Variants in CBL observed in about 807,000 individuals in gnomAD.
CBL encodes E3 ubiquitin-protein ligase CBL.
CBL carries 45 observed loss-of-function variants against 96.9 expected under a neutral mutation model. The ratio of observed to expected loss-of-function variants is 0.46; its 90% CI spans 0.37 to 0.60. The LOEUF (loss-of-function observed/expected upper bound fraction) is 0.60, where lower values mean the gene tolerates loss of function less well. CBL is among the 20% of genes least tolerant of loss of function. CBL has a pLI of 0.00. For missense variants in CBL, 1,024 were observed against 1,143.5 expected, an observed-to-expected ratio of 0.90 and a Z score of 1.51; for synonymous variants, 420 against 426.8, an observed-to-expected ratio of 0.98 and a Z score of 0.20.
At chr11:119,214,845 C>T (rs1227474451) in intron 1 of CBL, among the ~76,000 whole-genome samples, 3 of 149,998 alleles carry the variant, frequency 2.0e-5, no homozygotes, top group Non-Finnish European at 4.4e-5. Context: ...TTTGTCTTAA[C>T]ACAGTCCCTC....
At chr11:119,266,018 C>CAAAA (rs398017759) in intron 2 of CBL, among the ~76,000 whole-genome samples, 20 of 76,012 alleles carry the variant, frequency 2.6e-4, no homozygotes, top group South Asian at 6.9e-4. Flanking sequence ...GACTCCATCT[C>CAAAA]AAAAAAAAAA....
chr11:119,301,075 A>G lies in CBL; in HGVS notation c.*1294A>G, dbSNP rs1474241790. ...CTCTTGCTGATGGCACCTTCCCTGCATTGCTGCCTCCCGATGATGTGGTTC... is the reference window on the plus strand; with the variant it reads ...CTCTTGCTGATGGCACCTTCCCTGCGTTGCTGCCTCCCGATGATGTGGTTC... On this transcript the variant is annotated 3_prime_UTR_variant, in exon 16 of 16. Coordinates refer to ENST00000264033, the MANE Select transcript of CBL (RefSeq NM_005188.4). 2 of 233,362 alleles carry G rather than the reference A, an allele frequency of 8.6e-6. No homozygotes were observed. The highest frequency in any genetic ancestry group is 1.7e-5 in the Non-Finnish European group (2 of 118,102). 14.5% of individuals were successfully genotyped at this position (233,362 alleles called of 1,614,324 possible). A position where few individuals can be genotyped will look rare whatever the true frequency, so the allele number is the denominator to read the frequency against.
intron 12 of CBL, among the ~76,000 whole-genome samples, chr11:119,294,204 G>A (rs1950048503): frequency 6.8e-6 from 1 of 146,014 alleles, no homozygotes; most frequent in African/African-American, 2.5e-5. Context: ...CAAGGTGGGT[G>A]GACCACTTGA....
intron 1 of CBL, among the ~76,000 whole-genome samples, chr11:119,213,673 G>A (rs1341188865): frequency 1.3e-5 from 2 of 152,086 alleles, no homozygotes; most frequent in Non-Finnish European, 2.9e-5. Context: ...AGGGCCAAGC[G>A]GGTGACTTGA....
chr11:119,207,226 A>G (rs1949278423), intron 1 of CBL, among the ~76,000 whole-genome samples: 1 of 152,216 alleles, frequency 6.6e-6, no homozygotes, highest in Non-Finnish European at 1.5e-5. Flanking sequence ...CTCCCCATCT[A>G]GCGCCGGCTC....
In CBL at chr11:119,284,962, A is replaced by T. The variant is rs1349100855; in HGVS notation, c.1432-7A>T. ...AAGTAATCTGTTAAATTTTTTATGTACCCTAGGTGGAACGGCCGCCTTCTC... is the reference window on the plus strand; with the variant it reads ...AAGTAATCTGTTAAATTTTTTATGTTCCCTAGGTGGAACGGCCGCCTTCTC... On this transcript the variant is annotated splice_polypyrimidine_tract_variant and splice_region_variant and intron_variant, in intron 9 of 15. Transcript: ENST00000264033. 3 of 1,613,888 alleles carry T rather than the reference A, an allele frequency of 1.9e-6. No homozygotes were observed. The South Asian group carries it at 3.3e-5, about 18-fold the overall frequency.
At chr11:119,225,035 C>T (rs899807518) in intron 1 of CBL, among the ~76,000 whole-genome samples, 4 of 151,360 alleles carry the variant, frequency 2.6e-5, no homozygotes, top group African/African-American at 9.7e-5. Context: ...TCCGTTTTAT[C>T]CTAAACTCTT....
intron 2 of CBL, among the ~76,000 whole-genome samples, chr11:119,251,370 C>CA (rs1427583009): frequency 1.3e-5 from 2 of 151,264 alleles, no homozygotes; most frequent in Admixed American, 6.6e-5. Context: ...TGGTTCAACC[C>CA]AAAAAAAAGA....
chr11:119,236,799 G>A (rs1391022520), intron 2 of CBL, among the ~76,000 whole-genome samples: 1 of 151,848 alleles, frequency 6.6e-6, no homozygotes, highest in Non-Finnish European at 1.5e-5. Flanking sequence ...TTCTACTAGG[G>A]GTAAAGTGGT....
rs1350548567 is a variant in CBL at position 119,303,337 on chromosome 11, T to G, written c.*3556T>G. Reference sequence around the variant, plus strand: ...CACTGTTCATTGAAAAATAGTTTTCTGACTATTGGTCTGGCTCTAACAGTT... The same window carrying G: ...CACTGTTCATTGAAAAATAGTTTTCGGACTATTGGTCTGGCTCTAACAGTT... On this transcript the variant is annotated 3_prime_UTR_variant, in exon 16 of 16. Coordinates refer to ENST00000264033, the MANE Select transcript of CBL (RefSeq NM_005188.4). 1 of 233,338 alleles carries G rather than the reference T, an allele frequency of 4.3e-6. No individual in the cohort carries two copies. Among genetic ancestry groups the G allele is most frequent in the Admixed American group, 5.6e-5 (1 of 17,768 alleles). 14.5% of individuals were successfully genotyped at this position (233,338 alleles called of 1,614,324 possible). A position where few individuals can be genotyped will look rare whatever the true frequency, so the allele number is the denominator to read the frequency against.
At chr11:119,283,335 T>TGA (rs1949952626) in intron 9 of CBL, among the ~76,000 whole-genome samples, 1 of 152,194 alleles carries the variant, frequency 6.6e-6, no homozygotes, top group Non-Finnish European at 1.5e-5. Context: ...GAGTTAAAGA[T>TGA]GAGAGCTTTT....
At chr11:119,221,311 C>T (rs1034492097) in intron 1 of CBL, among the ~76,000 whole-genome samples, 4 of 150,416 alleles carry the variant, frequency 2.7e-5, no homozygotes, top group South Asian at 2.1e-4. Context: ...CAGCACTTTG[C>T]GAGGTTGAGG....
chr11:119,306,376 T>C lies in CBL; in HGVS notation c.*6595T>C. Reference sequence around the variant, plus strand: ...TGATTGCCTGATTCAGTCCCAAAAATGAATGTCAGGCCCCGCCCCCTCCCC... The same window carrying C: ...TGATTGCCTGATTCAGTCCCAAAAACGAATGTCAGGCCCCGCCCCCTCCCC... On this transcript the variant is annotated 3_prime_UTR_variant, in exon 16 of 16. Transcript: ENST00000264033. The C allele has an allele frequency of 2.5e-6, 1 of 398,894 alleles. No homozygotes were observed. Among genetic ancestry groups the C allele is most frequent in the South Asian group, 1.3e-4 (1 of 7,854 alleles). The allele number at this position is 398,894 out of a possible 1,614,324, so 24.7% of individuals were successfully genotyped here.
chr11:119,214,202 C>T (rs1219916337), intron 1 of CBL, among the ~76,000 whole-genome samples: 1 of 151,254 alleles, frequency 6.6e-6, no homozygotes, highest in Admixed American at 6.6e-5. Context: ...CTTGGCCTCC[C>T]AAAGTGCTGG....
At chr11:119,220,236 G>T (rs1369229025) in intron 1 of CBL, among the ~76,000 whole-genome samples, 1 of 151,918 alleles carries the variant, frequency 6.6e-6, no homozygotes, top group Non-Finnish European at 1.5e-5. Flanking sequence ...CCTGACCTCA[G>T]GTGATCCGCC....
intron 9 of CBL, 74 bp from the exon 10 acceptor site, chr11:119,284,895 C>T (rs1179513321): frequency 3.2e-6 from 5 of 1,571,320 alleles, no homozygotes; most frequent in Non-Finnish European, 4.4e-6. Context: ...ATTTGCCATC[C>T]ACAGCTTTAG....
In CBL at chr11:119,304,134, T is replaced by C. The variant is rs1321777548; in HGVS notation, c.*4353T>C. The C allele has an allele frequency of 4.3e-6, 1 of 233,418 alleles. No individual in the cohort carries two copies. The highest frequency in any genetic ancestry group is 5.6e-5 in the Admixed American group (1 of 17,780). The allele number at this position is 233,418 out of a possible 1,614,324, so 14.5% of individuals were successfully genotyped here. A position where few individuals can be genotyped will look rare whatever the true frequency, so the allele number is the denominator to read the frequency against. On this transcript the variant is annotated 3_prime_UTR_variant, in exon 16 of 16. Transcript: ENST00000264033. ...TACCTCCCTCCCAGAGCAAGGAGTTTAGGGATTCTAAAGCTTAGTGTCCAC... is the reference window on the plus strand; with the variant it reads ...TACCTCCCTCCCAGAGCAAGGAGTTCAGGGATTCTAAAGCTTAGTGTCCAC...
intron 2 of CBL, among the ~76,000 whole-genome samples, chr11:119,244,421 AT>A (rs10717493): frequency 0.32 from 46,219 of 146,354 alleles, 7,816 homozygotes; most frequent in African/African-American, 0.46. Context: ...TTTTTAATTA[AT>A]TTTTTTTTTT....
intron 11 of CBL, among the ~76,000 whole-genome samples, chr11:119,286,642 GA>G (rs1198306115): frequency 1.3e-5 from 2 of 152,156 alleles, no homozygotes; most frequent in African/African-American, 4.8e-5. Flanking sequence ...CACTAGATTA[GA>G]GAGAGTTGAA....
Sources: gnomAD v4.1 joint callset for allele counts (sites outside exome capture counted in the v4.1 genomes callset) on GRCh38, gnomAD v4.1.1 for gene constraint, MANE v1.5 for transcripts, NCBI Gene and HGNC (gene_info 2026-07-23, HGNC 2026-07-21) for gene names.